The following GPC5 variants were observed in gnomAD, a reference collection of about 807,000 sequenced individuals.
GPC5 encodes the protein glypican-5.
Under a neutral mutation model 53.9 loss-of-function variants are expected in GPC5, and 47 were observed. That is an observed-to-expected ratio of 0.87 (90% CI 0.69 to 1.11). The LOEUF (loss-of-function observed/expected upper bound fraction) is 1.11, where lower values mean the gene tolerates loss of function less well. GPC5 is among the 50% of genes most tolerant of loss of function. GPC5 has a pLI of 0.00. For missense variants in GPC5, 748 were observed against 713.1 expected, an observed-to-expected ratio of 1.05 and a Z score of -0.56; for synonymous variants, 286 against 263.3, an observed-to-expected ratio of 1.09 and a Z score of -0.84.
chr13:92,489,414 C>G (rs144940286), intron 7 of GPC5, among the ~76,000 whole-genome samples: 35 of 152,242 alleles, frequency 2.3e-4, no homozygotes, highest in African/African-American at 8.2e-4. Flanking sequence ...GTAAATACAT[C>G]ATGTGTCAGA....
intron 5 of GPC5, among the ~76,000 whole-genome samples, chr13:91,907,668 T>C (rs1177053073): frequency 6.6e-6 from 1 of 151,594 alleles, no homozygotes; most frequent in African/African-American, 2.4e-5. Flanking sequence ...CTTTGTAGCA[T>C]ATTGTTAAGT....
intron 2 of GPC5, among the ~76,000 whole-genome samples, chr13:91,645,963 G>C (rs1304358876): frequency 1.3e-5 from 2 of 152,132 alleles, no homozygotes; most frequent in African/African-American, 4.8e-5. Context: ...CCAAATGACT[G>C]GGTAACATGT....
At chr13:91,560,875 A>G (rs1237188331) in intron 2 of GPC5, among the ~76,000 whole-genome samples, 1 of 152,070 alleles carries the variant, frequency 6.6e-6, no homozygotes, top group African/African-American at 2.4e-5. Context: ...TCCAGACCAA[A>G]GTCAATTCAA....
intron 2 of GPC5, among the ~76,000 whole-genome samples, chr13:91,663,856 T>A (rs2035042890): frequency 6.6e-6 from 1 of 152,156 alleles, no homozygotes; most frequent in African/African-American, 2.4e-5. Context: ...TAAAATAAAT[T>A]TTAACAGATG....
chr13:92,353,528 A>G (rs2139271256), intron 7 of GPC5, among the ~76,000 whole-genome samples: 1 of 152,302 alleles, frequency 6.6e-6, no homozygotes, highest in African/African-American at 2.4e-5. Flanking sequence ...CTCAGATTAT[A>G]AAATGGAGAG....
intron 3 of GPC5, among the ~76,000 whole-genome samples, chr13:91,703,970 C>T (rs342694): frequency 0.2 from 30,843 of 151,988 alleles, 3,922 homozygotes; most frequent in African/African-American, 0.35. Context: ...ATCCTTTGTA[C>T]AGAATTATCT....
At chr13:92,042,037 G>A (rs1320526196) in intron 6 of GPC5, among the ~76,000 whole-genome samples, 2 of 152,154 alleles carry the variant, frequency 1.3e-5, no homozygotes, top group Non-Finnish European at 2.9e-5. Context: ...TCTGAATGAA[G>A]CAGCTGGGAT....
intron 7 of GPC5, among the ~76,000 whole-genome samples, chr13:92,519,450 A>G (rs1026273953): frequency 6.6e-6 from 1 of 152,228 alleles, no homozygotes. Context: ...AGTGCAATCA[A>G]ACTAGAACTC....
chr13:92,081,634 G>T (rs765079799), intron 6 of GPC5, among the ~76,000 whole-genome samples: 1 of 152,024 alleles, frequency 6.6e-6, no homozygotes, highest in Non-Finnish European at 1.5e-5. Context: ...GAGGAAAGAA[G>T]ATTAAAAATA....
At chr13:92,098,879 G>A (rs1594762142) in intron 6 of GPC5, among the ~76,000 whole-genome samples, 2 of 151,740 alleles carry the variant, frequency 1.3e-5, no homozygotes, top group Admixed American at 1.3e-4. Context: ...AGAAATGTAA[G>A]CTAATACTTT....
At chr13:92,816,963 T>C (rs774691048) in intron 7 of GPC5, among the ~76,000 whole-genome samples, 10 of 152,002 alleles carry the variant, frequency 6.6e-5, no homozygotes, top group Non-Finnish European at 1.2e-4. Flanking sequence ...TCTATAGTGA[T>C]GTTCTCTAAA....
At chr13:92,314,102 G>C (rs1327243716) in intron 7 of GPC5, among the ~76,000 whole-genome samples, 1 of 152,136 alleles carries the variant, frequency 6.6e-6, no homozygotes, top group African/African-American at 2.4e-5. Flanking sequence ...AAATGGAGGA[G>C]AGAATTATAT....
intron 7 of GPC5, among the ~76,000 whole-genome samples, chr13:92,562,488 T>A (rs1882731871): frequency 6.6e-6 from 1 of 152,038 alleles, no homozygotes; most frequent in South Asian, 2.1e-4. Flanking sequence ...TTATTTCCTG[T>A]AAAAGGGAGG....
At chr13:92,149,789 G>C (rs1344491653) in intron 7 of GPC5, among the ~76,000 whole-genome samples, 2 of 151,932 alleles carry the variant, frequency 1.3e-5, no homozygotes, top group African/African-American at 2.4e-5. Context: ...ACCTTAAAAA[G>C]ATGTTACTTT....
At chr13:91,831,658 A>G (rs764980152) in intron 5 of GPC5, among the ~76,000 whole-genome samples, 2 of 151,434 alleles carry the variant, frequency 1.3e-5, no homozygotes, top group African/African-American at 2.4e-5. Flanking sequence ...CTAATATATC[A>G]TTAATCCTAA....
intron 7 of GPC5, among the ~76,000 whole-genome samples, chr13:92,706,778 A>G (rs1887966244): frequency 6.6e-6 from 1 of 152,180 alleles, no homozygotes; most frequent in African/African-American, 2.4e-5. Flanking sequence ...TGAACTGTAC[A>G]TACTTAAAGT....
chr13:91,752,174 CAT>C (rs1300561875), intron 4 of GPC5, among the ~76,000 whole-genome samples: 1 of 152,122 alleles, frequency 6.6e-6, no homozygotes. Context: ...AGCATCTACC[CAT>C]ATGAACTCAT....
At chr13:92,185,212 G>A (rs2042175524) in intron 7 of GPC5, among the ~76,000 whole-genome samples, 5 of 152,158 alleles carry the variant, frequency 3.3e-5, no homozygotes, top group Admixed American at 3.3e-4. Context: ...GTCAGAACTA[G>A]TGGCATAACA....
At chr13:92,148,543 A>G (rs972152036) in intron 7 of GPC5, among the ~76,000 whole-genome samples, 3 of 152,138 alleles carry the variant, frequency 2.0e-5, no homozygotes, top group African/African-American at 7.2e-5. Context: ...TTCACTCTTA[A>G]GTAACTGATT....
Sources: allele counts gnomAD v4.1 joint callset (sites outside exome capture counted in the v4.1 genomes callset), GRCh38; gene constraint gnomAD v4.1.1; transcripts MANE v1.5; gene names NCBI Gene and HGNC (gene_info 2026-07-23, HGNC 2026-07-21).